LRRTM4: variants seen among roughly 807,000 people sequenced by gnomAD.
LRRTM4 encodes the protein leucine-rich repeat transmembrane neuronal protein 4.
A neutral mutation model predicts 47.6 loss-of-function variants in LRRTM4; 25 were observed. That is an observed-to-expected ratio of 0.53 (90% CI 0.38 to 0.73). The LOEUF (loss-of-function observed/expected upper bound fraction) is 0.73, where lower values mean the gene tolerates loss of function less well. Ranked by LOEUF, LRRTM4 falls within the 30% of genes least tolerant of loss-of-function variation. LRRTM4 has a pLI of 0.00. For missense variants in LRRTM4, 638 were observed against 713.4 expected (o/e 0.89, Z 1.20); for synonymous variants, 311 against 269.5 (o/e 1.15, Z -1.51).
At chr2:76,939,724 A>C (rs1675072109) in intron 3 of LRRTM4, among the ~76,000 whole-genome samples, 1 of 152,144 alleles carries the variant, frequency 6.6e-6, no homozygotes, top group Non-Finnish European at 1.5e-5. Context: ...TATTTATGTT[A>C]GTCCTACATG....
At chr2:77,498,463 G>A (rs1678446203) in intron 3 of LRRTM4, among the ~76,000 whole-genome samples, 2 of 151,636 alleles carry the variant, frequency 1.3e-5, no homozygotes, top group South Asian at 2.1e-4. Flanking sequence ...TCTTTGCAGG[G>A]ATCCCATCGT....
At chr2:77,502,786 G>A (rs1420479243) in intron 3 of LRRTM4, among the ~76,000 whole-genome samples, 1 of 151,596 alleles carries the variant, frequency 6.6e-6, no homozygotes, top group Non-Finnish European at 1.5e-5. Context: ...GTGAGCAAGA[G>A]TAAAACAAGG....
chr2:77,216,888 C>T (rs1014723937), intron 3 of LRRTM4, among the ~76,000 whole-genome samples: 14 of 151,870 alleles, frequency 9.2e-5, no homozygotes, highest in South Asian at 2.1e-4. Flanking sequence ...CTGGCTAACA[C>T]GGTGAAACCC....
At chr2:76,799,642 G>A (rs1675547593) in intron 3 of LRRTM4, among the ~76,000 whole-genome samples, 3 of 134,610 alleles carry the variant, frequency 2.2e-5, no homozygotes, top group East Asian at 4.9e-4. Flanking sequence ...TATTCAATTA[G>A]GAAAAGAGGA....
intron 3 of LRRTM4, among the ~76,000 whole-genome samples, chr2:77,204,305 G>C (rs1313653559): frequency 1.3e-5 from 2 of 151,992 alleles, no homozygotes; most frequent in East Asian, 1.9e-4. Context: ...AAAATTTCTT[G>C]ACTAAATCAT....
intron 3 of LRRTM4, among the ~76,000 whole-genome samples, chr2:77,059,649 C>A (rs769843438): frequency 6.6e-6 from 1 of 152,120 alleles, no homozygotes; most frequent in African/African-American, 2.4e-5. Context: ...CTGTTATGGG[C>A]ATGTTCTGTA....
chr2:77,195,743 A>AT (rs1442292851), intron 3 of LRRTM4, among the ~76,000 whole-genome samples: 1 of 152,152 alleles, frequency 6.6e-6, no homozygotes, highest in Non-Finnish European at 1.5e-5. Flanking sequence ...TGTGATTCTA[A>AT]TTTTTTAATT....
At chr2:76,885,089 T>C (rs1237559765) in intron 3 of LRRTM4, among the ~76,000 whole-genome samples, 1 of 151,962 alleles carries the variant, frequency 6.6e-6, no homozygotes, top group Non-Finnish European at 1.5e-5. Context: ...TCTGCTTGGG[T>C]TGACTGATTT....
chr2:76,770,400 G>T (rs546311423), intron 3 of LRRTM4, among the ~76,000 whole-genome samples: 1 of 152,060 alleles, frequency 6.6e-6, no homozygotes, highest in Non-Finnish European at 1.5e-5. Flanking sequence ...TCCAAAAATT[G>T]TTACCAGGGA....
At chr2:77,473,841 T>C (rs923289144) in intron 3 of LRRTM4, among the ~76,000 whole-genome samples, 1 of 152,120 alleles carries the variant, frequency 6.6e-6, no homozygotes, top group African/African-American at 2.4e-5. Flanking sequence ...ATTTTCTCCA[T>C]TTTCTTTGGC....
intron 3 of LRRTM4, among the ~76,000 whole-genome samples, chr2:76,765,122 G>T (rs1208394617): frequency 6.6e-6 from 1 of 152,108 alleles, no homozygotes; most frequent in Non-Finnish European, 1.5e-5. Flanking sequence ...GCCTTGTAGT[G>T]GAATTTTTTG....
chr2:77,140,674 C>T (rs77652752), intron 3 of LRRTM4, among the ~76,000 whole-genome samples: 9,123 of 152,220 alleles, frequency 0.06, 364 homozygotes, highest in Admixed American at 0.093. Context: ...AAACTACCAT[C>T]ACAGTGAACA....
At chr2:77,389,038 C>T (rs1228119068) in intron 3 of LRRTM4, among the ~76,000 whole-genome samples, 1 of 151,766 alleles carries the variant, frequency 6.6e-6, no homozygotes, top group Non-Finnish European at 1.5e-5. Context: ...GGAGGATTTT[C>T]CATAATGTCA....
At position 76,946,881 on chromosome 2, in the gene LRRTM4, G is replaced by C. The variant is rs1268439697; in HGVS notation, c.1552-197965C>G. On this transcript the variant is annotated intron_variant, in intron 3 of 3. Transcript: ENST00000409884. ...AGAAATTATTTATGCGCCATTATTTGAAATATGTCTGGTCTGCCAAATGAG... is the reference window on the plus strand; with the variant it reads ...AGAAATTATTTATGCGCCATTATTTCAAATATGTCTGGTCTGCCAAATGAG... Among the ~76,000 whole-genome samples the C allele has an allele frequency of 3.3e-5, 5 of 151,354 alleles. No homozygotes were observed. The East Asian group carries it at 9.7e-4, about 29-fold the overall frequency.
chr2:76,982,779 C>T (rs1676656193), intron 3 of LRRTM4, among the ~76,000 whole-genome samples: 2 of 151,770 alleles, frequency 1.3e-5, no homozygotes, highest in Admixed American at 6.6e-5. Flanking sequence ...AATAGATTTG[C>T]AAAAAATAGA....
chr2:76,778,799 C>G (rs557502895), intron 3 of LRRTM4, among the ~76,000 whole-genome samples: 96 of 150,746 alleles, frequency 6.4e-4, no homozygotes, highest in African/African-American at 2.2e-3. Flanking sequence ...TTGCCTTCTG[C>G]TAGCTTTTGA....
intron 3 of LRRTM4, among the ~76,000 whole-genome samples, chr2:77,369,326 C>A (rs1483409326): frequency 6.7e-6 from 1 of 150,178 alleles, no homozygotes; most frequent in African/African-American, 2.4e-5. Context: ...TTTTGTAGCC[C>A]ATGGGATCTT....
Position 77,427,091 on chromosome 2 carries a change from G to A in LRRTM4, c.1551+91227C>T, listed in dbSNP as rs141559998. Among the ~76,000 whole-genome samples the A allele has an allele frequency of 6.8e-3, 1,023 of 150,762 alleles. 18 individuals are homozygous for A. Among genetic ancestry groups the A allele is most frequent in the African/African-American group, 0.023 (933 of 40,946 alleles). On this transcript the variant is annotated intron_variant, in intron 3 of 3. Transcript: ENST00000409884. ...CCTCCTGGGTTCAAGTGATTCTCCT[G>A]CCCCAGCCTCCAGAGTAGCTGGGAC...
At chr2:77,340,483 C>T (rs894435426) in intron 3 of LRRTM4, among the ~76,000 whole-genome samples, 12 of 151,942 alleles carry the variant, frequency 7.9e-5, no homozygotes, top group South Asian at 2.1e-4. Context: ...TAGATATCCA[C>T]ATTTGGAACA....
Sources: allele counts gnomAD v4.1 joint callset (sites outside exome capture counted in the v4.1 genomes callset), GRCh38; gene constraint gnomAD v4.1.1; transcripts MANE v1.5; gene names NCBI Gene and HGNC (gene_info 2026-07-23, HGNC 2026-07-21).